BSPH1: variants seen among roughly 807,000 people sequenced by gnomAD.
BSPH1 encodes the protein binder of sperm protein homolog 1.
BSPH1 carries 21 observed loss-of-function variants against 22.5 expected under a neutral mutation model. The observed-to-expected ratio is 0.93, with a 90% CI of 0.66 to 1.35. The LOEUF is 1.35. Among genes scored for constraint, BSPH1 ranks in the 40% most tolerant of loss-of-function variants. The pLI is 0.00. For synonymous variants in BSPH1, 42 were observed against 53.6 expected (o/e 0.78, Z 0.95); for missense variants, 141 against 154.2 (o/e 0.91, Z 0.45).
intron 1 of BSPH1, among the ~76,000 whole-genome samples, chr19:47,987,921 G>A (rs777023042): frequency 3.9e-5 from 6 of 152,020 alleles, no homozygotes; most frequent in South Asian, 2.1e-4. Context: ...CTTCAGTCCC[G>A]GGAGGCGGAG....
chr19:47,971,923 T>C (rs963648463), intron 5 of BSPH1, among the ~76,000 whole-genome samples: 2 of 152,234 alleles, frequency 1.3e-5, no homozygotes, highest in Non-Finnish European at 2.9e-5. Context: ...CTTGGAAATA[T>C]AATTTGAATA....
In BSPH1 at chr19:47,973,603, T is replaced by C. The variant is rs994853025; in HGVS notation, c.*2+3107A>G. 5.3e-5 allele frequency among the ~76,000 whole-genome samples: 8 copies of C among 152,242 alleles called. 1 individual carries two copies. Among genetic ancestry groups the C allele is most frequent in the African/African-American group, 1.9e-4 (8 of 41,462 alleles). On this transcript the variant is annotated intron_variant, in intron 5 of 5. Coordinates refer to ENST00000344839, the MANE Select transcript of BSPH1 (RefSeq NM_001128326.2). ...TTCTGGTTCAACATTTGAGAGTTGCTGGTTGCTACAACAGTTGGTTGTTGA... is the reference window on the plus strand; with the variant it reads ...TTCTGGTTCAACATTTGAGAGTTGCCGGTTGCTACAACAGTTGGTTGTTGA...
chr19:47,984,009 G>T (rs1969444562), intron 1 of BSPH1, among the ~76,000 whole-genome samples: 1 of 151,350 alleles, frequency 6.6e-6, no homozygotes, highest in South Asian at 2.1e-4. Context: ...TTTTTACTTG[G>T]CTAATTCTTG....
chr19:47,970,150 C>G (rs1223388039), intron 5 of BSPH1, among the ~76,000 whole-genome samples: 1 of 152,114 alleles, frequency 6.6e-6, no homozygotes, highest in African/African-American at 2.4e-5. Context: ...CCTCCGCCTC[C>G]TGGGTTCAAG....
chr19:47,984,072 C>T (rs931030261), intron 1 of BSPH1, among the ~76,000 whole-genome samples: 3 of 150,878 alleles, frequency 2.0e-5, no homozygotes, highest in Non-Finnish European at 4.4e-5. Flanking sequence ...GTCCCAAACT[C>T]CTGACCTCAG....
chr19:47,990,338 A>C (rs902669992), intron 1 of BSPH1, among the ~76,000 whole-genome samples: 8 of 152,166 alleles, frequency 5.3e-5, no homozygotes, highest in Non-Finnish European at 8.8e-5. Flanking sequence ...TGAATAGCAC[A>C]AGTATTATGT....
intron 5 of BSPH1, among the ~76,000 whole-genome samples, chr19:47,975,022 T>C (rs1384605643): frequency 1.3e-5 from 2 of 152,182 alleles, no homozygotes; most frequent in African/African-American, 4.8e-5. Context: ...CCCTCAAATC[T>C]ACAAATCTGC....
At chr19:47,989,024 G>T (rs995909830) in intron 1 of BSPH1, among the ~76,000 whole-genome samples, 7 of 151,694 alleles carry the variant, frequency 4.6e-5, no homozygotes, top group African/African-American at 1.7e-4. Context: ...AAGAGGTGGG[G>T]GTGCATATCA....
At chr19:47,973,569 T>C (rs1200410121) in intron 5 of BSPH1, among the ~76,000 whole-genome samples, 1 of 152,248 alleles carries the variant, frequency 6.6e-6, no homozygotes, top group Non-Finnish European at 1.5e-5. Flanking sequence ...AAGGGGAAGC[T>C]GGTTGAAATT....
chr19:47,983,485 T>C (rs1969438343), intron 1 of BSPH1, among the ~76,000 whole-genome samples: 1 of 152,194 alleles, frequency 6.6e-6, no homozygotes, highest in Non-Finnish European at 1.5e-5. Context: ...GCCTGTCTGC[T>C]AAGCACTATG....
chr19:47,967,539 A>G (rs551284260), downstream of BSPH1, among the ~76,000 whole-genome samples: 39 of 152,284 alleles, frequency 2.6e-4, no homozygotes, highest in Non-Finnish European at 5.0e-4. Flanking sequence ...TGCCTTGCAG[A>G]TGGCCACCCC....
rs539517330 is a variant in BSPH1 at position 47,992,108 on chromosome 19, C to G, written c.-27G>C. The G allele has an allele frequency of 8.4e-6, 13 of 1,542,172 alleles. No homozygotes were observed. In the South Asian group the frequency reaches 1.3e-4, roughly 16 times the overall value. ...GGCAGTCACAGGCTTCCCGGTATCTCAGATCTTCCTGGTCTTTGTCAGCCA... is the reference window on the plus strand; with the variant it reads ...GGCAGTCACAGGCTTCCCGGTATCTGAGATCTTCCTGGTCTTTGTCAGCCA... On this transcript the variant is annotated 5_prime_UTR_variant, in exon 1 of 6. Transcript: ENST00000344839.
intron 5 of BSPH1, among the ~76,000 whole-genome samples, chr19:47,969,684 GGAGAGAGAGAGAGAGA>G (rs10589898): frequency 1.3e-4 from 15 of 113,874 alleles, no homozygotes; most frequent in South Asian, 3.3e-4. Context: ...AGGGAGAGGG[GGAGAGAGAGAGAGAGA>G]GAGAGAGAGA....
At chr19:47,991,618 T>A in intron 1 of BSPH1, among the ~76,000 whole-genome samples, 1 of 56,880 alleles carries the variant, frequency 1.8e-5, no homozygotes, top group Non-Finnish European at 3.3e-5. Flanking sequence ...CCCCTCTTCC[T>A]CCTCTTCCCT....
chr19:47,975,760 A>G (rs1017464388), intron 5 of BSPH1, among the ~76,000 whole-genome samples: 7 of 147,182 alleles, frequency 4.8e-5, no homozygotes, highest in African/African-American at 1.8e-4. Context: ...TGTTCACGCC[A>G]TTCTCCTGCC....
intron 5 of BSPH1, among the ~76,000 whole-genome samples, chr19:47,969,821 TGAGA>T (rs984165322): frequency 7.9e-5 from 12 of 151,492 alleles, no homozygotes; most frequent in East Asian, 1.9e-4. Flanking sequence ...TGTGTGTGTG[TGAGA>T]GAGAGACTTT....
intron 5 of BSPH1, among the ~76,000 whole-genome samples, chr19:47,974,697 T>C (rs1177939682): frequency 6.6e-6 from 1 of 152,032 alleles, no homozygotes; most frequent in Non-Finnish European, 1.5e-5. Flanking sequence ...TTCCAGGAAT[T>C]TCTCTTCCCC....
chr19:47,980,011 C>G (rs1969403710), intron 2 of BSPH1, among the ~76,000 whole-genome samples: 1 of 151,980 alleles, frequency 6.6e-6, no homozygotes, highest in African/African-American at 2.4e-5. Flanking sequence ...TATTCATGTT[C>G]TTAGGGATTT....
chr19:47,969,749 T>TGA (rs1021233631), intron 5 of BSPH1, among the ~76,000 whole-genome samples: 1 of 141,520 alleles, frequency 7.1e-6, no homozygotes, highest in Non-Finnish European at 1.5e-5. Flanking sequence ...TGTGTGTGTG[T>TGA]GAGAGAGAGA....
Sources: allele counts gnomAD v4.1 joint callset (sites outside exome capture counted in the v4.1 genomes callset), GRCh38; gene constraint gnomAD v4.1.1; transcripts MANE v1.5; gene names NCBI Gene and HGNC (gene_info 2026-07-23, HGNC 2026-07-21).